Variants in ARID5B observed in about 807,000 individuals in gnomAD.
The protein encoded by ARID5B is AT-rich interactive domain-containing protein 5B.
ARID5B carries 13 observed loss-of-function variants against 97.2 expected under a neutral mutation model. The ratio of observed to expected loss-of-function variants is 0.13; its 90% CI spans 0.09 to 0.21. The LOEUF is 0.21. Ranked by LOEUF, ARID5B falls within the 10% of genes least tolerant of loss-of-function variation. ARID5B has a pLI of 1.00. For missense variants in ARID5B, 1,210 were observed against 1,465.3 expected (o/e 0.83, Z 2.84); for synonymous variants, 556 against 570.3 (o/e 0.97, Z 0.36).
intron 3 of ARID5B, among the ~76,000 whole-genome samples, chr10:61,988,814 C>T (rs1838881897): frequency 6.6e-6 from 1 of 152,058 alleles, no homozygotes; most frequent in African/African-American, 2.4e-5. Flanking sequence ...ACAACTAAGC[C>T]CTTGCAATGT....
intron 3 of ARID5B, among the ~76,000 whole-genome samples, chr10:61,989,739 G>A (rs766214038): frequency 2.0e-5 from 3 of 152,128 alleles, no homozygotes; most frequent in Non-Finnish European, 2.9e-5. Flanking sequence ...TATTAGTTTG[G>A]CTTTTCTGAA....
chr10:62,012,521 C>T (rs762954586), intron 4 of ARID5B, among the ~76,000 whole-genome samples: 10 of 152,110 alleles, frequency 6.6e-5, no homozygotes, highest in Non-Finnish European at 1.2e-4. Context: ...GGCGGCAGAG[C>T]GAGACCCTGT....
chr10:62,021,151 A>G (rs994962105), intron 4 of ARID5B, among the ~76,000 whole-genome samples: 6 of 151,454 alleles, frequency 4.0e-5, no homozygotes, highest in Non-Finnish European at 7.4e-5. Context: ...CTGCATTTAC[A>G]TAGAGCTCAG....
chr10:61,973,197 T>C (rs1298821089), intron 3 of ARID5B, among the ~76,000 whole-genome samples: 1 of 152,300 alleles, frequency 6.6e-6, no homozygotes, highest in African/African-American at 2.4e-5. Context: ...GTTCTGGGTC[T>C]ATGCTGTTTG....
At chr10:62,054,661 C>T (rs780230189) in intron 5 of ARID5B, among the ~76,000 whole-genome samples, 1 of 152,148 alleles carries the variant, frequency 6.6e-6, no homozygotes, top group African/African-American at 2.4e-5. Context: ...GGTTAAGCAG[C>T]TCTCTACACA....
At chr10:61,931,900 G>C (rs980846586) in intron 2 of ARID5B, among the ~76,000 whole-genome samples, 1 of 152,170 alleles carries the variant, frequency 6.6e-6, no homozygotes, top group Non-Finnish European at 1.5e-5. Flanking sequence ...ATGCATTGCT[G>C]TTGGGAATGT....
intron 3 of ARID5B, among the ~76,000 whole-genome samples, chr10:61,997,238 C>T (rs1444799951): frequency 1.3e-5 from 2 of 150,470 alleles, no homozygotes; most frequent in African/African-American, 2.4e-5. Flanking sequence ...TTGGGTACTG[C>T]GTGATCTAAA....
Position 62,000,831 on chromosome 10 carries a change from TGATAGATAGATAGATAGATA to T in ARID5B, c.733+534_733+553del, listed in dbSNP as rs10689655. Among the ~76,000 whole-genome samples, 3 of 148,622 alleles carry T rather than the reference TGATAGATAGATAGATAGATA, an allele frequency of 2.0e-5. No individual in the cohort carries two copies. The highest frequency in any genetic ancestry group is 6.7e-5 in the Admixed American group (1 of 14,946). Reference sequence around the variant, plus strand: ...TACAGTAGATAGACACGTAGAGAGATGATAGATAGATAGATAGATAGATAGATAGATAGATAGATAGATGA... The same window carrying T: ...TACAGTAGATAGACACGTAGAGAGATGATAGATAGATAGATAGATAGATGA... On this transcript the variant is annotated intron_variant, in intron 4 of 9. Coordinates refer to ENST00000279873, the MANE Select transcript of ARID5B (RefSeq NM_032199.3). The surrounding 1 kb of genome is among the most constrained non-coding windows in gnomAD (Gnocchi z 4.4).
rs554267746 is a variant in ARID5B at position 62,071,999 on chromosome 10, G to T, written c.1199+2202G>T. ...ACCATAGGCAGTTGCTTAAACAGGGGTTGGTGTGAGGCACTAAGTTAACAC... is the reference window on the plus strand; with the variant it reads ...ACCATAGGCAGTTGCTTAAACAGGGTTTGGTGTGAGGCACTAAGTTAACAC... On this transcript the variant is annotated intron_variant, in intron 8 of 9. Coordinates refer to ENST00000279873, the MANE Select transcript of ARID5B (RefSeq NM_032199.3). 3.7e-4 allele frequency among the ~76,000 whole-genome samples: 56 copies of T among 152,334 alleles called. No individual in the cohort carries two copies. The South Asian group carries it at 0.011, about 30-fold the overall frequency.
At position 62,016,492 on chromosome 10, in the gene ARID5B, T is replaced by C. The variant is rs553325872; in HGVS notation, c.733+16171T>C. ...AGATATTGAAATTTGAACCAAACAG[T>C]GTATCTTACAATTGAAATTTAATAC... On this transcript the variant is annotated intron_variant, in intron 4 of 9. Coordinates refer to ENST00000279873, the MANE Select transcript of ARID5B (RefSeq NM_032199.3). 1.8e-4 allele frequency among the ~76,000 whole-genome samples: 28 copies of C among 152,366 alleles called. No individual in the cohort carries two copies. In the South Asian group the frequency reaches 5.0e-3, roughly 27 times the overall value.
rs529689624 is a variant in ARID5B, at chr10:61,958,004, C to T, written c.502+17596C>T. 9.2e-5 allele frequency among the ~76,000 whole-genome samples: 14 copies of T among 152,300 alleles called. No homozygotes were observed. The South Asian group carries it at 2.9e-3, about 32-fold the overall frequency. On this transcript the variant is annotated intron_variant, in intron 3 of 9. Coordinates refer to ENST00000279873, the MANE Select transcript of ARID5B (RefSeq NM_032199.3). ...CGGCCTTCATTTTGAGGTTGTCCAC[C>T]TGGTTGGTTGGTGGGTTTCCTCTTT...
chr10:62,072,481 A>G (rs1191167188), intron 8 of ARID5B, among the ~76,000 whole-genome samples: 1 of 152,230 alleles, frequency 6.6e-6, no homozygotes, highest in Non-Finnish European at 1.5e-5. Context: ...AGCAGAGTAC[A>G]GAAGGGTGGA....
At chr10:61,948,191 A>C (rs1838266965) in intron 3 of ARID5B, among the ~76,000 whole-genome samples, 1 of 152,140 alleles carries the variant, frequency 6.6e-6, no homozygotes, top group African/African-American at 2.4e-5. Context: ...AATGGAGTAC[A>C]AGAATCTGCA....
chr10:61,934,930 C>G (rs1844272088), intron 2 of ARID5B, among the ~76,000 whole-genome samples: 1 of 151,302 alleles, frequency 6.6e-6, no homozygotes, highest in African/African-American at 2.4e-5. Context: ...AGAGAATTGT[C>G]TGAATCCCGG....
At chr10:62,016,141 A>G (rs1432913298) in intron 4 of ARID5B, among the ~76,000 whole-genome samples, 1 of 152,184 alleles carries the variant, frequency 6.6e-6, no homozygotes, top group South Asian at 2.1e-4. Flanking sequence ...AAGGCAAACT[A>G]CAACCCACGG....
At chr10:61,968,215 A>AC (rs1838574782) in intron 3 of ARID5B, among the ~76,000 whole-genome samples, 1 of 138,310 alleles carries the variant, frequency 7.2e-6, no homozygotes, top group African/African-American at 2.8e-5. Flanking sequence ...CACACACACA[A>AC]ACACAGTTTC....
chr10:62,008,821 A>G (rs1839180132), intron 4 of ARID5B, among the ~76,000 whole-genome samples: 1 of 152,010 alleles, frequency 6.6e-6, no homozygotes, highest in Non-Finnish European at 1.5e-5. Flanking sequence ...GTTCTCATGG[A>G]CTCTGTGAGA....
intron 9 of ARID5B, among the ~76,000 whole-genome samples, chr10:62,088,849 G>T (rs1415339055): frequency 6.6e-6 from 1 of 152,146 alleles, no homozygotes; most frequent in Non-Finnish European, 1.5e-5. Context: ...CCCTCTAGTT[G>T]AATCCACTAT....
chr10:62,032,139 ACT>A (rs1399521658), intron 4 of ARID5B, among the ~76,000 whole-genome samples: 2 of 151,808 alleles, frequency 1.3e-5, no homozygotes, highest in Non-Finnish European at 2.9e-5. Context: ...AAAGTGTAAG[ACT>A]CTGTCTCTAA....
Sources: allele counts gnomAD v4.1 joint callset (sites outside exome capture counted in the v4.1 genomes callset), GRCh38; gene constraint gnomAD v4.1.1; non-coding constraint Gnocchi (gnomAD v3.1); transcripts MANE v1.5; gene names NCBI Gene and HGNC (gene_info 2026-07-23, HGNC 2026-07-21).